Variants in NCOA2 observed in about 807,000 individuals in gnomAD.
NCOA2 encodes the protein class E basic helix-loop-helix protein 75.
Under a neutral mutation model 145.1 loss-of-function variants are expected in NCOA2, and 21 were observed. That is an observed-to-expected ratio of 0.14 (90% CI 0.10 to 0.21). The LOEUF (loss-of-function observed/expected upper bound fraction) is 0.21. Among genes scored for constraint, NCOA2 ranks in the 10% least tolerant of loss-of-function variants. The pLI is 1.00. For synonymous variants in NCOA2, 619 were observed against 637.5 expected (o/e 0.97, Z 0.44); for missense variants, 1,472 against 1,837.6 (o/e 0.80, Z 3.64).
At chr8:70,350,810 C>T (rs796521642) in intron 1 of NCOA2, among the ~76,000 whole-genome samples, 3 of 152,258 alleles carry the variant, frequency 2.0e-5, no homozygotes, top group African/African-American at 7.2e-5. Context: ...CAAGCTGACC[C>T]ATAGTTATCT....
chr8:70,350,164 T>C (rs1377830491), intron 1 of NCOA2, among the ~76,000 whole-genome samples: 1 of 152,130 alleles, frequency 6.6e-6, no homozygotes, highest in Non-Finnish European at 1.5e-5. Context: ...ACTATTCCCA[T>C]ACTCTCAAAA....
At chr8:70,264,021 C>T (rs1286071380) in intron 2 of NCOA2, among the ~76,000 whole-genome samples, 2 of 151,958 alleles carry the variant, frequency 1.3e-5, no homozygotes, top group South Asian at 2.1e-4. Flanking sequence ...GAGACCAGCC[C>T]GACCAACATG....
intron 1 of NCOA2, among the ~76,000 whole-genome samples, chr8:70,399,136 G>A (rs1283282300): frequency 1.3e-5 from 2 of 152,142 alleles, no homozygotes; most frequent in African/African-American, 4.8e-5. Flanking sequence ...TGTCTGAATT[G>A]AAGGTCTGCA....
At chr8:70,274,502 T>C (rs970786392) in intron 2 of NCOA2, among the ~76,000 whole-genome samples, 1 of 152,192 alleles carries the variant, frequency 6.6e-6, no homozygotes, top group South Asian at 2.1e-4. Context: ...GTTATTTTTT[T>C]AAACTAATTA....
At chr8:70,147,136 G>T (rs893273041) in intron 12 of NCOA2, among the ~76,000 whole-genome samples, 1 of 151,878 alleles carries the variant, frequency 6.6e-6, no homozygotes, top group East Asian at 1.9e-4. Flanking sequence ...GCGTGTGTGT[G>T]TGTGTGTGTG....
At chr8:70,403,199 T>G (rs1468945997) in intron 1 of NCOA2, among the ~76,000 whole-genome samples, 1 of 151,194 alleles carries the variant, frequency 6.6e-6, no homozygotes, top group African/African-American at 2.4e-5. Context: ...AGGATTCACC[T>G]TCTCGGCTCT....
Position 70,144,622 on chromosome 8 carries a change from C to T in NCOA2, c.2812+20G>A. 1.3e-6 allele frequency: 2 copies of T among 1,584,990 alleles called. No homozygotes were observed. Among genetic ancestry groups the T allele is most frequent in the Non-Finnish European group, 8.7e-7 (1 of 1,153,584 alleles). ...ATTAAATAACCCACCAATAAAGTAA[C>T]AGTGCATTTGACCCCTTACCTGTGC... On this transcript the variant is annotated intron_variant, in intron 13 of 22. Transcript: ENST00000452400.
intron 4 of NCOA2, among the ~76,000 whole-genome samples, chr8:70,200,326 T>C (rs1817755048): frequency 6.6e-6 from 1 of 152,164 alleles, no homozygotes; most frequent in Non-Finnish European, 1.5e-5. Context: ...AGTTCAATAT[T>C]ATGGGTCCTG....
At chr8:70,293,061 C>A in intron 2 of NCOA2, among the ~76,000 whole-genome samples, 1 of 151,982 alleles carries the variant, frequency 6.6e-6, no homozygotes, top group East Asian at 1.9e-4. Context: ...TTTTTTAATT[C>A]TACAGATGAC....
chr8:70,451,024 TG>T, the NCOA2 span, among the ~76,000 whole-genome samples: 19 of 150,240 alleles, frequency 1.3e-4, no homozygotes, highest in African/African-American at 4.4e-4. Context: ...AAGAACAGTC[TG>T]GGTAACATGG....
At chr8:70,373,399 T>C (rs1417087518) in intron 1 of NCOA2, among the ~76,000 whole-genome samples, 1 of 152,204 alleles carries the variant, frequency 6.6e-6, no homozygotes, top group Non-Finnish European at 1.5e-5. Context: ...CTTTTGAACA[T>C]TTTAAAAATC....
intron 2 of NCOA2, among the ~76,000 whole-genome samples, chr8:70,227,436 TAAG>T (rs1820744590): frequency 6.6e-6 from 1 of 152,234 alleles, no homozygotes; most frequent in African/African-American, 2.4e-5. Context: ...GGTGAGTGTG[TAAG>T]AAGTATTCTT....
chr8:70,359,742 T>A (rs1413842885), intron 1 of NCOA2, among the ~76,000 whole-genome samples: 2 of 152,208 alleles, frequency 1.3e-5, no homozygotes, highest in Non-Finnish European at 2.9e-5. Flanking sequence ...TCAATTTTTT[T>A]AATATCTTCT....
intron 1 of NCOA2, among the ~76,000 whole-genome samples, chr8:70,393,715 C>A (rs963278378): frequency 1.3e-5 from 2 of 152,220 alleles, no homozygotes; most frequent in Non-Finnish European, 2.9e-5. Context: ...AGCCTAAAAT[C>A]TGGGCTCCCC....
rs533794934 is a variant in NCOA2, at chr8:70,132,462, A to G, written c.3159-460T>C. ...CCCACCTGGGAGAAATGAGAGAACT[A>G]GAGGCATCAGAGCTGCATTAACTTT... On this transcript the variant is annotated intron_variant, in intron 15 of 22. Coordinates refer to ENST00000452400, the MANE Select transcript of NCOA2 (RefSeq NM_006540.4). Among the ~76,000 whole-genome samples the G allele has an allele frequency of 2.6e-5, 4 of 152,390 alleles. No homozygotes were observed. The South Asian group carries it at 8.3e-4, about 32-fold the overall frequency.
In NCOA2 at chr8:70,324,715, CAAG is replaced by C. The variant is rs570052804; in HGVS notation, c.-76-27918_-76-27916del. Among the ~76,000 whole-genome samples, 63 of 152,126 alleles carry C rather than the reference CAAG, an allele frequency of 4.1e-4. 1 individual carries two copies. In the South Asian group the frequency reaches 0.013, roughly 31 times the overall value. The stretch of plus-strand genomic sequence containing the variant: ...ATTAATAACCCTTTCTTACTCATTC[CAAG>C]AAGATTTTGCTATCCTTGGGACTTG... On this transcript the variant is annotated intron_variant, in intron 1 of 22. Transcript: ENST00000452400.
intron 2 of NCOA2, among the ~76,000 whole-genome samples, chr8:70,284,533 A>T (rs181389557): frequency 7.7e-4 from 117 of 152,272 alleles, no homozygotes; most frequent in African/African-American, 2.7e-3. Context: ...GGAAGACTAT[A>T]ATAGGGAGGG....
chr8:70,199,882 A>G (rs1817706817), intron 4 of NCOA2, among the ~76,000 whole-genome samples: 1 of 152,164 alleles, frequency 6.6e-6, no homozygotes, highest in South Asian at 2.1e-4. Flanking sequence ...TCGTACCTCT[A>G]TATAATGTAT....
chr8:70,390,934 C>A (rs1463986906), intron 1 of NCOA2, among the ~76,000 whole-genome samples: 1 of 152,182 alleles, frequency 6.6e-6, no homozygotes, highest in Non-Finnish European at 1.5e-5. Flanking sequence ...CATTTATGGT[C>A]TATTTCTCAA....
Sources: allele counts gnomAD v4.1 joint callset (sites outside exome capture counted in the v4.1 genomes callset), GRCh38; gene constraint gnomAD v4.1.1; transcripts MANE v1.5; gene names NCBI Gene and HGNC (gene_info 2026-07-23, HGNC 2026-07-21).